TMEM117: variants seen among roughly 807,000 people sequenced by gnomAD.
TMEM117 encodes transmembrane protein 117.
In TMEM117, 27 loss-of-function variants were observed where a neutral mutation model predicts 52.4. That is an observed-to-expected ratio of 0.51 (90% CI 0.38 to 0.71). The LOEUF (loss-of-function observed/expected upper bound fraction) is 0.71, where lower values mean the gene tolerates loss of function less well. TMEM117 is among the 30% of genes least tolerant of loss of function. The pLI is 0.00. For missense variants in TMEM117, 556 were observed against 630.5 expected (o/e 0.88, Z 1.26); for synonymous variants, 215 against 206.3 (o/e 1.04, Z -0.36).
chr12:43,901,871 G>A (rs1944310434), intron 2 of TMEM117, among the ~76,000 whole-genome samples: 1 of 151,920 alleles, frequency 6.6e-6, no homozygotes, highest in Admixed American at 6.6e-5. Flanking sequence ...ATGGGATTTA[G>A]TATTCAGTAA....
chr12:43,867,100 A>G (rs1400440278), intron 2 of TMEM117, among the ~76,000 whole-genome samples: 1 of 152,196 alleles, frequency 6.6e-6, no homozygotes, highest in Non-Finnish European at 1.5e-5. Context: ...CAAGAGAAAA[A>G]AAAAAAAGAA....
chr12:43,929,432 C>T (rs965980551), intron 2 of TMEM117, among the ~76,000 whole-genome samples: 2 of 151,996 alleles, frequency 1.3e-5, no homozygotes, highest in South Asian at 2.1e-4. Context: ...CAACAATTTC[C>T]AAGAACCTTA....
intron 3 of TMEM117, among the ~76,000 whole-genome samples, chr12:43,953,802 C>T (rs1383609821): frequency 6.6e-6 from 1 of 152,126 alleles, no homozygotes; most frequent in Non-Finnish European, 1.5e-5. Context: ...ACCAGGTGGA[C>T]CTGATAGATA....
chr12:44,332,537 C>T (rs557187079), intron 6 of TMEM117, among the ~76,000 whole-genome samples: 136 of 152,100 alleles, frequency 8.9e-4, no homozygotes, highest in African/African-American at 3.2e-3. Context: ...ATAATCCTGG[C>T]ATAATTAATA....
intron 4 of TMEM117, among the ~76,000 whole-genome samples, chr12:44,153,282 A>G (rs559608114): frequency 1.3e-5 from 2 of 152,180 alleles, no homozygotes; most frequent in African/African-American, 4.8e-5. Context: ...AATATAACCC[A>G]GGCAATCTGG....
At chr12:43,902,898 A>G (rs1388414124) in intron 2 of TMEM117, among the ~76,000 whole-genome samples, 1 of 151,868 alleles carries the variant, frequency 6.6e-6, no homozygotes, top group Non-Finnish European at 1.5e-5. Flanking sequence ...AACAGTACCT[A>G]AATAGAAAAA....
chr12:44,174,036 T>A (rs1050888450), intron 4 of TMEM117, among the ~76,000 whole-genome samples: 3 of 152,212 alleles, frequency 2.0e-5, no homozygotes, highest in Admixed American at 6.5e-5. Context: ...AACTTTTTTT[T>A]AAAGTTTTTA....
At chr12:44,031,935 C>G (rs1390633376) in intron 3 of TMEM117, among the ~76,000 whole-genome samples, 1 of 152,152 alleles carries the variant, frequency 6.6e-6, no homozygotes, top group African/African-American at 2.4e-5. Context: ...AATAAAAGCC[C>G]TTTGGGGAAA....
At chr12:44,108,288 C>T (rs1349388148) in intron 3 of TMEM117, among the ~76,000 whole-genome samples, 4 of 144,902 alleles carry the variant, frequency 2.8e-5, no homozygotes, top group Non-Finnish European at 6.0e-5. Context: ...ATGTGCCATG[C>T]TGGTGCGCTG....
intron 2 of TMEM117, among the ~76,000 whole-genome samples, chr12:43,867,018 A>C (rs1267543851): frequency 1.3e-5 from 2 of 152,032 alleles, no homozygotes; most frequent in African/African-American, 4.8e-5. Context: ...TGAACCCAGG[A>C]GGCAGAGGTT....
chr12:44,184,420 C>T (rs1412997118), intron 4 of TMEM117, among the ~76,000 whole-genome samples: 1 of 152,040 alleles, frequency 6.6e-6, no homozygotes, highest in Non-Finnish European at 1.5e-5. Flanking sequence ...CACATAAGCC[C>T]TGAAATGCAG....
At chr12:44,332,639 T>C (rs1248364988) in intron 6 of TMEM117, among the ~76,000 whole-genome samples, 2 of 151,838 alleles carry the variant, frequency 1.3e-5, no homozygotes, top group African/African-American at 4.8e-5. Flanking sequence ...TTTTCATAAG[T>C]CTATGAACTT....
chr12:43,950,667 C>T (rs945938116), intron 3 of TMEM117, among the ~76,000 whole-genome samples: 12 of 152,146 alleles, frequency 7.9e-5, no homozygotes, highest in Admixed American at 3.3e-4. Flanking sequence ...AGCAGCTTCC[C>T]GATAAGCTCT....
At chr12:43,935,491 G>A (rs1424909874) in intron 2 of TMEM117, among the ~76,000 whole-genome samples, 1 of 152,096 alleles carries the variant, frequency 6.6e-6, no homozygotes, top group Non-Finnish European at 1.5e-5. Flanking sequence ...AATGTTATCA[G>A]TTTGTTACTT....
At chr12:44,252,496 T>G (rs1273486134) in intron 5 of TMEM117, among the ~76,000 whole-genome samples, 1 of 152,130 alleles carries the variant, frequency 6.6e-6, no homozygotes, top group African/African-American at 2.4e-5. Flanking sequence ...AGAGTGAGAC[T>G]CTGTCTCAAA....
chr12:43,844,479 A>T (rs1300260038), intron 1 of TMEM117, 145 bp from the exon 2 acceptor site: 3 of 693,352 alleles, frequency 4.3e-6, no homozygotes, highest in Non-Finnish European at 7.1e-6. Flanking sequence ...CCTCATTCTC[A>T]GACTTGTCTT....
intron 3 of TMEM117, chr12:44,009,101 T>G: frequency 2.8e-6 from 1 of 351,624 alleles, no homozygotes; most frequent in Non-Finnish European, 5.5e-6. Context: ...GACACATAAG[T>G]TTTGGAAGCT....
At chr12:44,155,802 A>G (rs2138239734) in intron 4 of TMEM117, among the ~76,000 whole-genome samples, 1 of 152,192 alleles carries the variant, frequency 6.6e-6, no homozygotes, top group Non-Finnish European at 1.5e-5. Flanking sequence ...CCCTTTGGTC[A>G]CCTGACAGGG....
At chr12:43,821,596 T>C in the TMEM117 span, among the ~76,000 whole-genome samples, 3 of 152,166 alleles carry the variant, frequency 2.0e-5, no homozygotes, top group African/African-American at 7.2e-5. Flanking sequence ...GTCTTAAGAT[T>C]TTGTATATTA....
Sources: allele counts gnomAD v4.1 joint callset (sites outside exome capture counted in the v4.1 genomes callset), GRCh38; gene constraint gnomAD v4.1.1; transcripts MANE v1.5; gene names NCBI Gene and HGNC (gene_info 2026-07-23, HGNC 2026-07-21).